The following KIF2C variants were observed in gnomAD, a reference collection of about 807,000 sequenced individuals.
KIF2C encodes kinesin-like protein KIF2C.
Under a neutral mutation model 97.4 loss-of-function variants are expected in KIF2C, and 34 were observed. The observed-to-expected ratio is 0.35, with a 90% CI of 0.27 to 0.46. The LOEUF (loss-of-function observed/expected upper bound fraction) is 0.46. Among genes scored for constraint, KIF2C ranks in the 20% least tolerant of loss-of-function variants. The probability of loss-of-function intolerance (pLI) is 1.00; values close to 1 mark genes in which losing one functional copy is unlikely to be tolerated. For synonymous variants in KIF2C, 313 were observed against 318.2 expected (o/e 0.98, Z 0.17); for missense variants, 750 against 907.6 (o/e 0.83, Z 2.23).
intron 19 of KIF2C, among the ~76,000 whole-genome samples, chr1:44,764,936 A>G (rs930894106): frequency 6.6e-6 from 1 of 152,136 alleles, no homozygotes; most frequent in African/African-American, 2.4e-5. Context: ...CCTGGCCAAC[A>G]TGGTGAAACC....
At position 44,760,919 on chromosome 1, in the gene KIF2C, G is replaced by A. The variant is rs1339353355; in HGVS notation, c.1683+217G>A. 1.9e-6 allele frequency: 1 copy of A among 536,604 alleles called. No individual in the cohort carries two copies. The highest frequency in any genetic ancestry group is 3.4e-6 in the Non-Finnish European group (1 of 297,082). 33.2% of individuals were successfully genotyped at this position (536,604 alleles called of 1,614,324 possible). On this transcript the variant is annotated intron_variant, in intron 16 of 20. Transcript: ENST00000372224. The surrounding 1 kb of genome is among the most constrained non-coding windows in gnomAD (Gnocchi z 4.2). ...AAAGGATCTATTCCCTTTAAGATGT[G>A]TAGGTGCAGCTCTTGGTTTGGGAGA...
chr1:44,758,289 G>A, intron 13 of KIF2C, 149 bp downstream of exon 13: 1 of 671,436 alleles, frequency 1.5e-6, no homozygotes, highest in Non-Finnish European at 2.6e-6. Flanking sequence ...ACACATGTAG[G>A]TGGTTTAATC....
rs902885812 is a variant in KIF2C, at chr1:44,744,086, TTTTG to T, written c.165+3095_165+3098del. 9.4e-4 allele frequency among the ~76,000 whole-genome samples: 124 copies of T among 131,540 alleles called. 1 individual carries two copies. In the South Asian group the frequency reaches 0.029, roughly 31 times the overall value. 86.3% of individuals were successfully genotyped at this position (131,540 alleles called of 152,430 possible). A position where few individuals can be genotyped will look rare whatever the true frequency, so the allele number is the denominator to read the frequency against. On this transcript the variant is annotated intron_variant, in intron 2 of 20. Transcript: ENST00000372224. Reference sequence around the variant, plus strand: ...AGCCTTTTCAAGCTCTGGTTTTTTTTTTTGTTTGTTTGTTTGTTTTTTGAGACAA... The same window carrying T: ...AGCCTTTTCAAGCTCTGGTTTTTTTTTTTGTTTGTTTGTTTTTTGAGACAA...
intron 5 of KIF2C, among the ~76,000 whole-genome samples, chr1:44,751,655 T>C (rs1027310959): frequency 6.7e-6 from 1 of 150,194 alleles, no homozygotes; most frequent in Admixed American, 6.6e-5. Flanking sequence ...ATTACAGGCA[T>C]GTGCTACCAT....
chr1:44,740,850 G>C, intron 1 of KIF2C, 63 bp from the exon 2 acceptor site: 1 of 1,013,476 alleles, frequency 9.9e-7, no homozygotes. Context: ...AATCTCTGTG[G>C]AATCCTAAAA....
intron 14 of KIF2C, among the ~76,000 whole-genome samples, chr1:44,759,942 G>C (rs960946647): frequency 1.8e-4 from 28 of 152,238 alleles, no homozygotes; most frequent in African/African-American, 5.8e-4. Context: ...CCCTCTACAG[G>C]GTCCTCAAGT....
rs1269989376 is a variant in KIF2C, at chr1:44,756,222, A to G, written c.962A>G (p.Asn321Ser). 6.8e-6 allele frequency: 11 copies of G among 1,614,112 alleles called. No homozygotes were observed. Among genetic ancestry groups the G allele is most frequent in the Non-Finnish European group, 9.3e-6 (11 of 1,180,050 alleles). The change falls in exon 10 of 21, where the codon AAT becomes AGT. Residue 321 changes from asparagine to serine, a missense_variant. Physicochemically the swap from Asn to Ser is conservative, Grantham distance 46 (BLOSUM62 1). Transcript: ENST00000372224. ...FDFAFDETAS[N>S]EVVYRFTARP... ...TTTGCATTTGATGAAACAGCTTCGA[A>G]TGAAGTTGTCTACAGGTTAGTCCCT... is the stretch of plus-strand genomic sequence containing the variant.
chr1:44,759,203 C>T lies in KIF2C; in HGVS notation c.1225-3C>T. Reference sequence around the variant, plus strand: ...TTAGCCTCATTCCCCCTGCCTGGCACAGCTGTTTGACCTGCTCAACAAGAA... The same window carrying T: ...TTAGCCTCATTCCCCCTGCCTGGCATAGCTGTTTGACCTGCTCAACAAGAA... On this transcript the variant is annotated splice_polypyrimidine_tract_variant and splice_region_variant and intron_variant, in intron 13 of 20. Transcript: ENST00000372224. 1 of 1,613,992 alleles carries T rather than the reference C, an allele frequency of 6.2e-7. No individual in the cohort carries two copies. Among genetic ancestry groups the T allele is most frequent in the East Asian group, 2.2e-5 (1 of 44,878 alleles).
chr1:44,751,594 T>C (rs987485532), intron 5 of KIF2C, among the ~76,000 whole-genome samples: 1 of 150,784 alleles, frequency 6.6e-6, no homozygotes, highest in Non-Finnish European at 1.5e-5. Flanking sequence ...CCTCAATCTC[T>C]GCCTCCCGGG....
chr1:44,744,657 C>G (rs6678729), intron 2 of KIF2C, among the ~76,000 whole-genome samples: 1 of 151,750 alleles, frequency 6.6e-6, no homozygotes, highest in Admixed American at 6.6e-5. Context: ...TCCCAGCACT[C>G]TGGGAAGCTG....
intron 2 of KIF2C, among the ~76,000 whole-genome samples, chr1:44,744,477 C>A (rs1307491602): frequency 6.6e-6 from 1 of 152,206 alleles, no homozygotes; most frequent in African/African-American, 2.4e-5. Flanking sequence ...TATGCCCTGG[C>A]AAATGAGGCA....
Position 44,760,574 on chromosome 1 carries a change from T to C in KIF2C, c.1573-18T>C, listed in dbSNP as rs1324862380. 6.2e-7 allele frequency: 1 copy of C among 1,613,162 alleles called. No individual in the cohort carries two copies. Among genetic ancestry groups the C allele is most frequent in the African/African-American group, 1.3e-5 (1 of 75,016 alleles). ...GCAAGGAAAGAAGGGACCTCAGTTG[T>C]TCCTGCTGCCCCCACAGGAGTGCAT... On this transcript the variant is annotated intron_variant, in intron 15 of 20. Transcript: ENST00000372224. The surrounding 1 kb of genome is among the most constrained non-coding windows in gnomAD (Gnocchi z 4.2).
At chr1:44,746,026 G>A (rs1649177704) in intron 2 of KIF2C, among the ~76,000 whole-genome samples, 2 of 151,956 alleles carry the variant, frequency 1.3e-5, no homozygotes, top group Admixed American at 6.6e-5. Flanking sequence ...ACAGGTGCAC[G>A]CTGCCACACC....
At chr1:44,766,273 C>G (rs1313729559) in intron 19 of KIF2C, among the ~76,000 whole-genome samples, 2 of 151,810 alleles carry the variant, frequency 1.3e-5, no homozygotes, top group East Asian at 3.9e-4. Context: ...GCTTGGGCAT[C>G]AGGACCAATG....
chr1:44,747,226 T>A (rs2148823063), intron 2 of KIF2C, among the ~76,000 whole-genome samples, 158 bp from the exon 3 acceptor site: 1 of 150,138 alleles, frequency 6.7e-6, no homozygotes, highest in Non-Finnish European at 1.5e-5. Flanking sequence ...GAGAATTGCT[T>A]GGACCCAGGA....
At chr1:44,746,476 G>C (rs770048352) in intron 2 of KIF2C, 12 of 1,240,520 alleles carry the variant, frequency 9.7e-6, no homozygotes, top group Non-Finnish European at 1.2e-5. Context: ...GGTAGCAGCT[G>C]TCAGGAACTT....
intron 19 of KIF2C, among the ~76,000 whole-genome samples, chr1:44,764,801 G>A (rs919510168): frequency 9.9e-5 from 15 of 152,116 alleles, no homozygotes; most frequent in East Asian, 3.9e-4. Flanking sequence ...GAGCCACCAC[G>A]CCCAGTCGTA....
rs367975725 is a variant in KIF2C at position 44,767,080 on chromosome 1, G to C, written c.2096-17G>C. The stretch of plus-strand genomic sequence containing the variant: ...GACTCTCACTAACCCCATATGTACC[G>C]CTACCCTTTCTTCCAGATGTCATCA... On this transcript the variant is annotated splice_polypyrimidine_tract_variant and intron_variant, in intron 20 of 20. Transcript: ENST00000372224. 116 of 1,613,404 alleles carry C rather than the reference G, an allele frequency of 7.2e-5. No individual in the cohort carries two copies. The African/African-American group carries it at 1.4e-3, about 20-fold the overall frequency.
intron 2 of KIF2C, among the ~76,000 whole-genome samples, chr1:44,745,424 C>T (rs1227721993): frequency 7.1e-6 from 1 of 140,986 alleles, no homozygotes; most frequent in East Asian, 2.1e-4. Context: ...TTATAATCCC[C>T]ATTAGAAATT....
Sources: allele counts gnomAD v4.1 joint callset (sites outside exome capture counted in the v4.1 genomes callset), GRCh38; gene constraint gnomAD v4.1.1; non-coding constraint Gnocchi (gnomAD v3.1); transcripts MANE v1.5; gene names NCBI Gene and HGNC (gene_info 2026-07-23, HGNC 2026-07-21).